Variants in CSAD observed in about 807,000 individuals in gnomAD.
CSAD encodes P-selectin cytoplasmic tail-associated protein.
A neutral mutation model predicts 61.5 loss-of-function variants in CSAD; 47 were observed. The observed-to-expected ratio is 0.76, with a 90% CI of 0.60 to 0.97. CSAD has a LOEUF of 0.97. Ranked by LOEUF, CSAD falls within the 50% of genes least tolerant of loss-of-function variation. The pLI is 0.00. For missense variants in CSAD, 611 were observed against 643.6 expected, an observed-to-expected ratio of 0.95 and a Z score of 0.55; for synonymous variants, 245 against 252.7, an observed-to-expected ratio of 0.97 and a Z score of 0.29.
At position 53,161,389 on chromosome 12, in the gene CSAD, C is replaced by T; in HGVS notation, c.703G>A (p.Gly235Ser). 6.2e-7 allele frequency: 1 copy of T among 1,609,576 alleles called. No individual in the cohort carries two copies. Among genetic ancestry groups the T allele is most frequent in the Non-Finnish European group, 8.5e-7 (1 of 1,176,464 alleles). ...ERQIGMAEAE[G>S]AVPFLVSATS... ...GCACTGACCAGGAACGGCACAGCAC[C>T]CTGTTGCCAAAATGTAGAGGGAGAA... The change falls in exon 11 of 17, where the codon GGT becomes AGT. Residue 235 changes from glycine (G) to serine (S), a missense_variant and splice_region_variant. Physicochemically the swap from Gly to Ser is moderately conservative, Grantham distance 56. Coordinates refer to ENST00000444623, the MANE Select transcript of CSAD (RefSeq NM_001244705.2).
intron 10 of CSAD, among the ~76,000 whole-genome samples, chr12:53,169,457 C>G (rs1442173592): frequency 7.0e-6 from 1 of 142,776 alleles, no homozygotes; most frequent in African/African-American, 2.6e-5. Context: ...CCTGCCTGGG[C>G]AACAGGAGTG....
rs1592378687 is a variant in CSAD at position 53,180,924 on chromosome 12, A to C, written c.-283T>G. ...GCAAGCCGTGGGGTGCCGCGCGGGA[A>C]GGGGGAGGGGAGGGGAGGAGGGGCG... On this transcript the variant is annotated 5_prime_UTR_variant, in exon 1 of 17. Transcript: ENST00000444623. 1.6e-5 allele frequency: 7 copies of C among 440,428 alleles called. No individual in the cohort carries two copies. The highest frequency in any genetic ancestry group is 6.3e-5 in the African/African-American group (1 of 15,922). The allele number at this position is 440,428 out of a possible 1,614,324, so 27.3% of individuals were successfully genotyped here.
upstream of CSAD, chr12:53,181,050 G>A: frequency 1.1e-6 from 1 of 884,406 alleles, no homozygotes; most frequent in Non-Finnish European, 1.4e-6. Context: ...GCCCGGGAGA[G>A]GGCTCTCGGA....
In CSAD at chr12:53,158,818, T is replaced by C. The variant is rs1013618451; in HGVS notation, c.1309-134A>G. The C allele has an allele frequency of 3.9e-6, 3 of 762,916 alleles. No individual in the cohort carries two copies. In the African/African-American group the frequency reaches 5.3e-5, roughly 13 times the overall value. 47.3% of individuals were successfully genotyped at this position (762,916 alleles called of 1,614,324 possible). A position where few individuals can be genotyped will look rare whatever the true frequency, so the allele number is the denominator to read the frequency against. ...ACCTTCTGGGGGTAGCACACCTTGCTCAGACCTTGACCTTGGCCTCAGTTT... is the reference window on the plus strand; with the variant it reads ...ACCTTCTGGGGGTAGCACACCTTGCCCAGACCTTGACCTTGGCCTCAGTTT... On this transcript the variant is annotated intron_variant, in intron 16 of 16. Coordinates refer to ENST00000444623, the MANE Select transcript of CSAD (RefSeq NM_001244705.2).
intron 4 of CSAD, 38 bp from the exon 5 acceptor site, chr12:53,172,686 C>A (rs746271519): frequency 6.3e-7 from 1 of 1,577,136 alleles, no homozygotes; most frequent in South Asian, 1.1e-5. Flanking sequence ...GCCTGGGATG[C>A]CTGTGGACTG....
chr12:53,180,635 G>A (rs761179173), intron 1 of CSAD, 97 bp downstream of exon 1: 6 of 1,283,352 alleles, frequency 4.7e-6, no homozygotes, highest in Admixed American at 2.3e-5. Flanking sequence ...TCTAGCTGCC[G>A]AGCCCGGAAG....
intron 2 of CSAD, among the ~76,000 whole-genome samples, chr12:53,176,551 C>G (rs1443575581): frequency 6.6e-6 from 1 of 151,844 alleles, no homozygotes; most frequent in Non-Finnish European, 1.5e-5. Context: ...AACCCCATCT[C>G]TACTAAAAAT....
At position 53,173,444 on chromosome 12, in the gene CSAD, G is replaced by T. The variant is rs137915354; in HGVS notation, c.27C>A (p.Ser9=). Reference sequence around the variant, plus strand: ...CCACAGCCACTGGGTCCCCAGCAAGGGAGGGGAGTGCTTCTGAGTCAGCCA... The same window carrying T: ...CCACAGCCACTGGGTCCCCAGCAAGTGAGGGGAGTGCTTCTGAGTCAGCCA... MADSEALP[S]LAGDPVAVEA... is the part of the protein sequence containing the mutation. Residue 9 remains serine, a synonymous_variant, in exon 4 of 17, where the codon TCC becomes TCA. Transcript: ENST00000444623. 1.9e-6 allele frequency: 3 copies of T among 1,614,076 alleles called. No individual in the cohort carries two copies. The highest frequency in any genetic ancestry group is 2.2e-5 in the South Asian group (2 of 91,082).
chr12:53,181,055 C>A, upstream of CSAD: 1 of 902,032 alleles, frequency 1.1e-6, no homozygotes, highest in Non-Finnish European at 1.4e-6. Flanking sequence ...GGAGAGGGCT[C>A]TCGGAGGGGA....
chr12:53,177,811 T>G (rs1459356516), intron 2 of CSAD: 1 of 152,254 alleles, frequency 6.6e-6, no homozygotes, highest in East Asian at 1.9e-4. Context: ...CTAATTTTTT[T>G]GTATTTTTAG....
intron 2 of CSAD, among the ~76,000 whole-genome samples, chr12:53,174,356 A>G (rs1940943673): frequency 6.6e-6 from 1 of 151,914 alleles, no homozygotes; most frequent in Middle Eastern, 3.4e-3. Flanking sequence ...AAGGAAAAAG[A>G]CTTCAAAATA....
intron 10 of CSAD, chr12:53,164,411 A>C (rs1939650309): frequency 4.3e-6 from 1 of 230,480 alleles, no homozygotes; most frequent in African/African-American, 2.3e-5. Flanking sequence ...ATAAAAAAGA[A>C]TGAAATCATG....
At chr12:53,176,875 G>C (rs11170454) in intron 2 of CSAD, among the ~76,000 whole-genome samples, 8,917 of 152,096 alleles carry the variant, frequency 0.059, 356 homozygotes, top group East Asian at 0.17. Context: ...TAGGACTACA[G>C]GCACATGCCA....
chr12:53,159,809 C>T (rs1301439131), intron 15 of CSAD, 78 bp downstream of exon 15: 1 of 1,536,314 alleles, frequency 6.5e-7, no homozygotes, highest in Non-Finnish European at 8.9e-7. Flanking sequence ...TTTCCCTCCA[C>T]TAGGGCTTTA....
At chr12:53,173,947 C>A (rs1940893044) in intron 2 of CSAD, 177 bp from the exon 3 acceptor site, 1 of 628,744 alleles carries the variant, frequency 1.6e-6, no homozygotes, top group Non-Finnish European at 2.8e-6. Flanking sequence ...CCTTCCCCGA[C>A]CCCTGGCAAC....
chr12:53,181,262 C>T (rs1334259404), upstream of CSAD: 5 of 985,328 alleles, frequency 5.1e-6, no homozygotes, highest in African/African-American at 1.7e-5. Context: ...CGTGTGGGCA[C>T]TGCCAGTCCC....
Position 53,180,895 on chromosome 12 carries a change from G to C in CSAD, c.-254C>G. On this transcript the variant is annotated 5_prime_UTR_variant, in exon 1 of 17. Transcript: ENST00000444623. Reference sequence around the variant, plus strand: ...CCGTACAGACGGCAGCGCTTCAGTAGCTCGCAAGCCGTGGGGTGCCGCGCG... The same window carrying C: ...CCGTACAGACGGCAGCGCTTCAGTACCTCGCAAGCCGTGGGGTGCCGCGCG... 3 of 1,153,668 alleles carry C rather than the reference G, an allele frequency of 2.6e-6. No individual in the cohort carries two copies. Among genetic ancestry groups the C allele is most frequent in the Non-Finnish European group, 3.3e-6 (3 of 916,550 alleles). The allele number at this position is 1,153,668 out of a possible 1,614,324, so 71.5% of individuals were successfully genotyped here.
At chr12:53,173,079 A>G (rs1171693429) in intron 4 of CSAD, among the ~76,000 whole-genome samples, 2 of 152,068 alleles carry the variant, frequency 1.3e-5, no homozygotes, top group South Asian at 2.1e-4. Flanking sequence ...GTGGTGGCAC[A>G]TGCCTGTAAT....
At chr12:53,180,066 C>T in intron 1 of CSAD, 1 of 1,403,390 alleles carries the variant, frequency 7.1e-7, no homozygotes, top group Non-Finnish European at 9.2e-7. Context: ...CCTCGGGATT[C>T]GCAGAGGAGG....
Sources: gnomAD v4.1 joint callset for allele counts (sites outside exome capture counted in the v4.1 genomes callset) on GRCh38, gnomAD v4.1.1 for gene constraint, MANE v1.5 for transcripts, NCBI Gene and HGNC (gene_info 2026-07-23, HGNC 2026-07-21) for gene names.